The following CLASP1 variants were observed in gnomAD, a reference collection of about 807,000 sequenced individuals.
CLASP1 encodes the protein cytoplasmic linker associated protein 1.
Under a neutral mutation model 192.3 loss-of-function variants are expected in CLASP1, and 38 were observed. That is an observed-to-expected ratio of 0.20 (90% CI 0.15 to 0.26). The LOEUF is 0.26. Among genes scored for constraint, CLASP1 ranks in the 10% least tolerant of loss-of-function variants. The probability of loss-of-function intolerance (pLI) is 1.00; values close to 1 mark genes in which losing one functional copy is unlikely to be tolerated. For synonymous variants in CLASP1, 691 were observed against 712.8 expected (o/e 0.97, Z 0.49); for missense variants, 1,433 against 1,932.5 (o/e 0.74, Z 4.85).
intron 1 of CLASP1, among the ~76,000 whole-genome samples, chr2:121,636,693 T>G (rs2070946057): frequency 6.6e-6 from 1 of 151,976 alleles, no homozygotes; most frequent in South Asian, 2.1e-4. Context: ...AATAATAAAT[T>G]TTTTAAAAAA....
chr2:121,573,276 A>G (rs757040461), intron 2 of CLASP1, among the ~76,000 whole-genome samples: 1 of 152,212 alleles, frequency 6.6e-6, no homozygotes, highest in Non-Finnish European at 1.5e-5. Context: ...ACAGTTTTCT[A>G]AGCAAAATAA....
At chr2:121,471,807 T>A (rs1379860234) in intron 8 of CLASP1, among the ~76,000 whole-genome samples, 1 of 152,194 alleles carries the variant, frequency 6.6e-6, no homozygotes, top group Non-Finnish European at 1.5e-5. Flanking sequence ...AATCCATACA[T>A]CCATTTTTCA....
chr2:121,484,109 A>G (rs748551668), intron 8 of CLASP1, among the ~76,000 whole-genome samples: 4 of 152,254 alleles, frequency 2.6e-5, no homozygotes, highest in Non-Finnish European at 1.5e-5. Context: ...GGAAGTGCAG[A>G]TAAGTGCAGT....
At chr2:121,440,313 T>C (rs1574860133) in intron 19 of CLASP1, among the ~76,000 whole-genome samples, 1 of 152,206 alleles carries the variant, frequency 6.6e-6, no homozygotes, top group Admixed American at 6.5e-5. Flanking sequence ...TTTCAGTCTA[T>C]TGATTTGGCA....
chr2:121,560,886 C>T (rs2059020056), intron 2 of CLASP1, among the ~76,000 whole-genome samples: 1 of 152,194 alleles, frequency 6.6e-6, no homozygotes, highest in Non-Finnish European at 1.5e-5. Flanking sequence ...AGGAGCCTGC[C>T]ACCACAACTG....
intron 37 of CLASP1, among the ~76,000 whole-genome samples, chr2:121,360,922 C>G (rs543787147): frequency 6.6e-6 from 1 of 152,108 alleles, no homozygotes; most frequent in Non-Finnish European, 1.5e-5. Flanking sequence ...ATTTAAAGGG[C>G]CTCATACCTG....
intron 37 of CLASP1, among the ~76,000 whole-genome samples, chr2:121,351,280 A>G (rs1471375227): frequency 2.0e-5 from 3 of 152,222 alleles, no homozygotes; most frequent in Non-Finnish European, 4.4e-5. Flanking sequence ...CTATCAGACC[A>G]GTGACACTTT....
intron 10 of CLASP1, among the ~76,000 whole-genome samples, chr2:121,461,964 G>A (rs1002302936): frequency 1.3e-5 from 2 of 152,142 alleles, no homozygotes; most frequent in East Asian, 1.9e-4. Context: ...ATAACAGACA[G>A]TAAGTGCCAC....
intron 9 of CLASP1, among the ~76,000 whole-genome samples, chr2:121,465,798 G>T (rs1442091174): frequency 4.6e-5 from 7 of 152,194 alleles, no homozygotes; most frequent in African/African-American, 1.7e-4. Flanking sequence ...AACCAAAACA[G>T]CATGGTACTG....
At chr2:121,607,116 C>T (rs1389308279) in intron 1 of CLASP1, among the ~76,000 whole-genome samples, 1 of 150,736 alleles carries the variant, frequency 6.6e-6, no homozygotes, top group East Asian at 2.0e-4. Flanking sequence ...CCGAGGTGGG[C>T]GGATCACCTG....
chr2:121,565,428 A>G (rs972377216), intron 2 of CLASP1, among the ~76,000 whole-genome samples: 2 of 152,232 alleles, frequency 1.3e-5, no homozygotes, highest in Non-Finnish European at 2.9e-5. Context: ...GCACTATCAC[A>G]GCCCCATGCA....
intron 2 of CLASP1, among the ~76,000 whole-genome samples, chr2:121,564,918 T>C (rs2059378422): frequency 6.6e-6 from 1 of 152,162 alleles, no homozygotes; most frequent in South Asian, 2.1e-4. Flanking sequence ...CAAGAAGCAC[T>C]GGGACACTGG....
At chr2:121,483,556 A>ATATATGTGTGTG (rs2092770484) in intron 8 of CLASP1, among the ~76,000 whole-genome samples, 2 of 145,296 alleles carry the variant, frequency 1.4e-5, no homozygotes, top group Middle Eastern at 6.9e-3. Flanking sequence ...ATGTGTGTGT[A>ATATATGTGTGTG]TATATATGTA....
At chr2:121,514,350 A>G (rs1322535325) in intron 7 of CLASP1, among the ~76,000 whole-genome samples, 1 of 152,202 alleles carries the variant, frequency 6.6e-6, no homozygotes, top group African/African-American at 2.4e-5. Context: ...GTCATTAAAC[A>G]GTCCCTTCCC....
At chr2:121,492,467 A>G (rs2093359180) in intron 8 of CLASP1, among the ~76,000 whole-genome samples, 1 of 151,810 alleles carries the variant, frequency 6.6e-6, no homozygotes, top group East Asian at 1.9e-4. Context: ...GTATCTGCAA[A>G]TCATATACAG....
At position 121,438,749 on chromosome 2, in the gene CLASP1, T is replaced by C. The variant is rs543179182; in HGVS notation, c.1913-8572A>G. Among the ~76,000 whole-genome samples the C allele has an allele frequency of 8.7e-4, 132 of 151,890 alleles. 2 individuals are homozygous for C. The highest frequency in any genetic ancestry group is 3.0e-3 in the African/African-American group (123 of 41,420). Reference sequence around the variant, plus strand: ...CGTTTTGCCAGTATTTTATTGAGGATTTTTGCATCAATGTTCATCAAGGAT... The same window carrying C: ...CGTTTTGCCAGTATTTTATTGAGGACTTTTGCATCAATGTTCATCAAGGAT... On this transcript the variant is annotated intron_variant, in intron 19 of 39. Transcript: ENST00000263710.
At position 121,530,907 on chromosome 2, in the gene CLASP1, C is replaced by T. The variant is rs146450524; in HGVS notation, c.196-582G>A. 93 of 697,654 alleles carry T rather than the reference C, an allele frequency of 1.3e-4. No homozygotes were observed. The highest frequency in any genetic ancestry group is 5.4e-4 in the African/African-American group (31 of 57,236). The allele number at this position is 697,654 out of a possible 1,614,324, so 43.2% of individuals were successfully genotyped here. ...CCATCCTTTTCTTGGGGTTGCGCTA[C>T]TGTCCAATGAGCGCATAGTGAGGGC... On this transcript the variant is annotated intron_variant, in intron 2 of 39. Transcript: ENST00000263710.
intron 19 of CLASP1, among the ~76,000 whole-genome samples, chr2:121,447,133 A>G (rs1559229413): frequency 6.6e-6 from 1 of 152,206 alleles, no homozygotes. Flanking sequence ...ACTCAGCACT[A>G]AAACGGATGA....
In CLASP1 at chr2:121,622,978, C is replaced by T. The variant is rs1484736932; in HGVS notation, c.-285-16798G>A. On this transcript the variant is annotated intron_variant, in intron 1 of 39. Coordinates refer to ENST00000263710, the Ensembl canonical transcript of CLASP1. The stretch of plus-strand genomic sequence containing the variant: ...GTGGCTCACACCTATAATCCCAGCA[C>T]TTTGGGAGGCCAAGGTGGGTGGATC... 2.6e-5 allele frequency among the ~76,000 whole-genome samples: 4 copies of T among 152,138 alleles called. No individual in the cohort carries two copies. The South Asian group carries it at 8.3e-4, about 31-fold the overall frequency.
Sources: gnomAD v4.1 joint callset for allele counts (sites outside exome capture counted in the v4.1 genomes callset) on GRCh38, gnomAD v4.1.1 for gene constraint, MANE v1.5 for transcripts, NCBI Gene and HGNC (gene_info 2026-07-23, HGNC 2026-07-21) for gene names.